Variants in EPS15 observed in about 807,000 individuals in gnomAD.
EPS15 encodes epidermal growth factor receptor pathway substrate 15, also known as epidermal growth factor receptor substrate 15.
EPS15 carries 72 observed loss-of-function variants against 113.8 expected under a neutral mutation model. The observed-to-expected ratio is 0.63, with a 90% confidence interval of 0.52 to 0.77. The LOEUF (loss-of-function observed/expected upper bound fraction) is 0.77, where lower values mean the gene tolerates loss of function less well. Among genes scored for constraint, EPS15 ranks in the 30% least tolerant of loss-of-function variants. EPS15 has a pLI of 0.00. For missense variants in EPS15, 1,048 were observed against 1,045.8 expected, an observed-to-expected ratio of 1.00 and a Z score of -0.03; for synonymous variants, 344 against 363.4, an observed-to-expected ratio of 0.95 and a Z score of 0.61.
chr1:51,378,503 G>A (rs1646856573), intron 21 of EPS15, among the ~76,000 whole-genome samples: 1 of 151,882 alleles, frequency 6.6e-6, no homozygotes, highest in Non-Finnish European at 1.5e-5. Flanking sequence ...ATGTCTCCAA[G>A]GTATGGCTGT....
chr1:51,503,997 CT>C (rs1418615359), intron 1 of EPS15, among the ~76,000 whole-genome samples: 1 of 152,104 alleles, frequency 6.6e-6, no homozygotes, highest in East Asian at 1.9e-4. Flanking sequence ...CTATAAAACT[CT>C]TAAAAGAAAA....
intron 1 of EPS15, among the ~76,000 whole-genome samples, chr1:51,501,922 G>C (rs1035297938): frequency 6.6e-6 from 1 of 151,990 alleles, no homozygotes; most frequent in African/African-American, 2.4e-5. Flanking sequence ...ATAGTATAAG[G>C]ACCACCCTCA....
intron 21 of EPS15, among the ~76,000 whole-genome samples, chr1:51,384,575 C>A (rs919373699): frequency 2.3e-4 from 35 of 151,902 alleles, no homozygotes; most frequent in African/African-American, 8.2e-4. Flanking sequence ...TGAGCTCAGG[C>A]GATCCACCCA....
intron 13 of EPS15, among the ~76,000 whole-genome samples, chr1:51,414,611 C>T (rs186592875): frequency 6.6e-6 from 1 of 152,100 alleles, no homozygotes; most frequent in East Asian, 1.9e-4. Flanking sequence ...GTTATCTATC[C>T]CCATTAGTAA....
chr1:51,379,264 C>T (rs1341674551), intron 21 of EPS15, among the ~76,000 whole-genome samples: 2 of 152,110 alleles, frequency 1.3e-5, no homozygotes, highest in African/African-American at 2.4e-5. Context: ...GGACTACAGG[C>T]GCAAGCCACC....
chr1:51,398,890 GA>G, intron 20 of EPS15, 141 bp downstream of exon 20: 1 of 708,672 alleles, frequency 1.4e-6, no homozygotes, highest in Non-Finnish European at 2.2e-6. Flanking sequence ...AAAACTAAAT[GA>G]ATTGGGATGA....
chr1:51,426,835 C>CTATATA (rs1388465399), intron 12 of EPS15, among the ~76,000 whole-genome samples: 7 of 139,498 alleles, frequency 5.0e-5, no homozygotes, highest in African/African-American at 1.1e-4. Context: ...CTCTCTCTCT[C>CTATATA]TCTATATATA....
At chr1:51,427,445 C>T (rs991104939) in intron 12 of EPS15, among the ~76,000 whole-genome samples, 1 of 151,642 alleles carries the variant, frequency 6.6e-6, no homozygotes, top group Non-Finnish European at 1.5e-5. Context: ...TGAACACACA[C>T]CTGGTGTGAG....
intron 16 of EPS15, among the ~76,000 whole-genome samples, chr1:51,405,167 A>C (rs1037445516): frequency 6.6e-6 from 1 of 152,140 alleles, no homozygotes; most frequent in African/African-American, 2.4e-5. Context: ...GCCCTTTAAC[A>C]CAGTGTTACA....
At chr1:51,423,748 A>T in intron 12 of EPS15, 1 of 985,280 alleles carries the variant, frequency 1.0e-6, no homozygotes, top group African/African-American at 1.7e-5. Flanking sequence ...ACAAGAAGCC[A>T]GTGAGCTGAC....
At chr1:51,461,294 A>G in intron 7 of EPS15, 144 bp from the exon 8 acceptor site, 1 of 628,524 alleles carries the variant, frequency 1.6e-6, no homozygotes, top group Non-Finnish European at 2.9e-6. Flanking sequence ...AGGCAGGAGG[A>G]TCACTTCAGC....
intron 16 of EPS15, 133 bp from the exon 17 acceptor site, chr1:51,403,665 T>G (rs1648805725): frequency 1.9e-6 from 1 of 516,446 alleles, no homozygotes; most frequent in African/African-American, 2.0e-5. Context: ...AACTTCTCCT[T>G]CTATAATCTT....
intron 2 of EPS15, among the ~76,000 whole-genome samples, chr1:51,477,036 C>T (rs1176206392): frequency 6.6e-6 from 1 of 152,180 alleles, no homozygotes; most frequent in East Asian, 1.9e-4. Flanking sequence ...ATGGTACCAG[C>T]TCCTCTTTGT....
At chr1:51,446,113 G>A (rs55654180) in intron 10 of EPS15, among the ~76,000 whole-genome samples, 4,567 of 152,168 alleles carry the variant, frequency 0.03, 75 homozygotes, top group African/African-American at 0.05. Flanking sequence ...CACTTGTGAC[G>A]TTTCTGCCTC....
intron 1 of EPS15, among the ~76,000 whole-genome samples, chr1:51,508,338 G>GAGAAAGAAAGAA (rs369528436): frequency 0.082 from 10,045 of 122,122 alleles, 556 homozygotes; most frequent in Non-Finnish European, 0.11. Flanking sequence ...AAGAGAAAGA[G>GAGAAAGAAAGAA]AGAAAGAAAG....
chr1:51,511,848 T>G (rs1020793285), intron 1 of EPS15, among the ~76,000 whole-genome samples: 1 of 152,260 alleles, frequency 6.6e-6, no homozygotes, highest in African/African-American at 2.4e-5. Flanking sequence ...TAGTAAGGAA[T>G]AAGCAGTTTG....
chr1:51,388,301 T>C (rs1303431776), intron 21 of EPS15, among the ~76,000 whole-genome samples: 2 of 152,140 alleles, frequency 1.3e-5, no homozygotes, highest in African/African-American at 2.4e-5. Flanking sequence ...TACCAGAATC[T>C]CTGGGACACA....
At chr1:51,518,904 C>A (rs1170484265) in intron 1 of EPS15, among the ~76,000 whole-genome samples, 1 of 151,492 alleles carries the variant, frequency 6.6e-6, no homozygotes, top group South Asian at 2.1e-4. Flanking sequence ...ACCGGCAGAG[C>A]GCGGCCGGGT....
intron 1 of EPS15, among the ~76,000 whole-genome samples, chr1:51,481,725 A>G (rs1644024067): frequency 6.6e-6 from 1 of 152,216 alleles, no homozygotes. Context: ...CACTTCAATA[A>G]AACAATTAAA....
Sources: allele counts gnomAD v4.1 joint callset (sites outside exome capture counted in the v4.1 genomes callset), GRCh38; gene constraint gnomAD v4.1.1; transcripts MANE v1.5; gene names NCBI Gene and HGNC (gene_info 2026-07-23, HGNC 2026-07-21).